The following IL1RAPL2 variants were observed in gnomAD, a reference collection of about 807,000 sequenced individuals.
IL1RAPL2 encodes X-linked interleukin-1 receptor accessory protein-like 2.
Under a neutral mutation model 44.1 loss-of-function variants are expected in IL1RAPL2, and 3 were observed. The ratio of observed to expected loss-of-function variants is 0.07; its 90% CI spans 0.03 to 0.18. The LOEUF (loss-of-function observed/expected upper bound fraction) is 0.18, where lower values mean the gene tolerates loss of function less well. Among genes scored for constraint, IL1RAPL2 ranks in the 10% least tolerant of loss-of-function variants. IL1RAPL2 has a pLI of 1.00. For missense variants in IL1RAPL2, 391 were observed against 496.4 expected (o/e 0.79, Z 2.02); for synonymous variants, 181 against 178.8 (o/e 1.01, Z -0.10).
chrX:104,881,300 C>A (rs1187327561), intron 2 of IL1RAPL2, among the ~76,000 whole-genome samples: 1 of 111,590 alleles, frequency 9.0e-6, no homozygotes, highest in Non-Finnish European at 1.9e-5. Context: ...TCCCTTCTTA[C>A]AAATATTGCT....
intron 2 of IL1RAPL2, among the ~76,000 whole-genome samples, chrX:104,733,417 C>T (rs1366652077): frequency 1.8e-5 from 2 of 109,595 alleles, no homozygotes; most frequent in Non-Finnish European, 3.8e-5. Context: ...CATGGTGAAA[C>T]CCCATCTCTA....
At chrX:105,664,330 A>T (rs2037741706) in intron 6 of IL1RAPL2, among the ~76,000 whole-genome samples, 1 of 112,140 alleles carries the variant, frequency 8.9e-6, no homozygotes, top group South Asian at 3.7e-4. Flanking sequence ...AAGCACCAGG[A>T]TTAAAGGCAG....
chrX:105,585,216 T>C lies in IL1RAPL2; in HGVS notation c.772+100829T>C, dbSNP rs183679846. Among the ~76,000 whole-genome samples the C allele has an allele frequency of 5.4e-5, 6 of 111,023 alleles. No individual in the cohort carries two copies. In the East Asian group the frequency reaches 1.7e-3, roughly 31 times the overall value. The stretch of plus-strand genomic sequence containing the variant: ...TAATTTGGATTTTAATATGTTTCTA[T>C]TGATTGATTTTTCTTGTGGTTATGC... On this transcript the variant is annotated intron_variant, in intron 6 of 10. Coordinates refer to ENST00000372582, the MANE Select transcript of IL1RAPL2 (RefSeq NM_017416.2).
Position 104,890,621 on chromosome X carries a change from C to T in IL1RAPL2, c.82+231626C>T, listed in dbSNP as rs761545976. On this transcript the variant is annotated intron_variant, in intron 2 of 10. Coordinates refer to ENST00000372582, the MANE Select transcript of IL1RAPL2 (RefSeq NM_017416.2). The stretch of plus-strand genomic sequence containing the variant: ...CTTTTGAGAAATATCTGTTCATATG[C>T]TTTGTCTGCTTTTTGATGGGATTGT... Among the ~76,000 whole-genome samples the T allele has an allele frequency of 1.5e-4, 17 of 112,045 alleles. No homozygotes were observed. In the East Asian group the frequency reaches 4.5e-3, roughly 30 times the overall value.
intron 2 of IL1RAPL2, among the ~76,000 whole-genome samples, chrX:104,750,893 T>G (rs1410424307): frequency 9.0e-6 from 1 of 110,973 alleles, no homozygotes; most frequent in Non-Finnish European, 1.9e-5. Flanking sequence ...AAAACCCAAA[T>G]AGTTAAAAAT....
At chrX:105,668,498 T>C (rs955633244) in intron 6 of IL1RAPL2, among the ~76,000 whole-genome samples, 4 of 112,686 alleles carry the variant, frequency 3.5e-5, no homozygotes, top group Non-Finnish European at 7.5e-5. Context: ...GAGCAATCAT[T>C]AGTAATATGA....
intron 2 of IL1RAPL2, among the ~76,000 whole-genome samples, chrX:104,896,775 C>G (rs949486953): frequency 1.8e-5 from 2 of 111,170 alleles, no homozygotes; most frequent in Admixed American, 1.9e-4. Flanking sequence ...TCTTGCTGCT[C>G]CTCACTCTTT....
intron 2 of IL1RAPL2, among the ~76,000 whole-genome samples, chrX:105,158,250 A>G (rs182265254): frequency 0.017 from 1,841 of 111,452 alleles, 44 homozygotes; most frequent in African/African-American, 0.057. Flanking sequence ...CCAGCTACTC[A>G]GGAGGCTAAG....
chrX:105,470,000 C>G (rs764441961), intron 5 of IL1RAPL2, among the ~76,000 whole-genome samples: 1 of 111,026 alleles, frequency 9.0e-6, no homozygotes, highest in Non-Finnish European at 1.9e-5. Context: ...TTAATTTACA[C>G]TAGACATAAA....
chrX:105,342,430 C>T (rs886958160), intron 5 of IL1RAPL2, among the ~76,000 whole-genome samples: 2 of 111,665 alleles, frequency 1.8e-5, no homozygotes, highest in Admixed American at 9.5e-5. Context: ...CTGATTTTTC[C>T]CCATCATTAA....
intron 5 of IL1RAPL2, among the ~76,000 whole-genome samples, chrX:105,293,116 CAAAAA>C (rs10566162): frequency 2.0e-5 from 1 of 50,855 alleles, no homozygotes; most frequent in Non-Finnish European, 4.2e-5. Context: ...CGACTCTGTC[CAAAAA>C]AAAAAAAAAA....
At chrX:104,866,648 G>A (rs1463447227) in intron 2 of IL1RAPL2, among the ~76,000 whole-genome samples, 2 of 111,823 alleles carry the variant, frequency 1.8e-5, no homozygotes, top group Non-Finnish European at 3.8e-5. Context: ...TGTGGATGCC[G>A]GTATTAGAAA....
At chrX:105,139,082 AAG>A (rs1469357066) in intron 2 of IL1RAPL2, among the ~76,000 whole-genome samples, 2 of 111,944 alleles carry the variant, frequency 1.8e-5, no homozygotes, top group Non-Finnish European at 3.8e-5. Context: ...CATAAGGGGT[AAG>A]ATTGGAAAGG....
At chrX:105,447,264 A>G (rs2035970060) in intron 5 of IL1RAPL2, among the ~76,000 whole-genome samples, 1 of 44,029 alleles carries the variant, frequency 2.3e-5, no homozygotes, top group African/African-American at 1.0e-4. Flanking sequence ...ATAAATATAT[A>G]TAAATATATA....
chrX:105,447,271 T>C (rs1442163144), intron 5 of IL1RAPL2, among the ~76,000 whole-genome samples: 1 of 43,265 alleles, frequency 2.3e-5, no homozygotes, highest in Non-Finnish European at 3.7e-5. Context: ...TATATAAATA[T>C]ATATAAAATA....
chrX:105,088,322 A>C (rs1258687812), intron 2 of IL1RAPL2, among the ~76,000 whole-genome samples: 1 of 112,066 alleles, frequency 8.9e-6, no homozygotes, highest in Non-Finnish European at 1.9e-5. Flanking sequence ...AATCACTATA[A>C]TAATGGAGTG....
intron 2 of IL1RAPL2, among the ~76,000 whole-genome samples, chrX:104,975,274 C>T (rs932675208): frequency 9.0e-6 from 1 of 111,201 alleles, no homozygotes; most frequent in Non-Finnish European, 1.9e-5. Flanking sequence ...AACTAAATGA[C>T]CCTGAAACAG....
intron 2 of IL1RAPL2, among the ~76,000 whole-genome samples, chrX:104,839,744 A>G (rs371210222): frequency 1.1e-4 from 12 of 111,598 alleles, no homozygotes; most frequent in African/African-American, 3.3e-4. Context: ...GTAGGCTACT[A>G]ATTACTACCT....
chrX:105,128,565 T>C (rs775597128), intron 2 of IL1RAPL2, among the ~76,000 whole-genome samples: 1 of 111,342 alleles, frequency 9.0e-6, no homozygotes, highest in South Asian at 3.7e-4. Context: ...AAAAAAGGTA[T>C]AGTGTTGTGA....
Sources: allele counts gnomAD v4.1 joint callset (sites outside exome capture counted in the v4.1 genomes callset), GRCh38; gene constraint gnomAD v4.1.1; transcripts MANE v1.5; gene names NCBI Gene and HGNC (gene_info 2026-07-23, HGNC 2026-07-21).